Variants in RIC8B observed in about 807,000 individuals in gnomAD.
RIC8B encodes RIC8 guanine nucleotide exchange factor B.
A neutral mutation model predicts 57.5 loss-of-function variants in RIC8B; 16 were observed. The ratio of observed to expected loss-of-function variants is 0.28; its 90% CI spans 0.19 to 0.42. RIC8B has a LOEUF of 0.42. Among genes scored for constraint, RIC8B ranks in the 10% least tolerant of loss-of-function variants. RIC8B has a pLI of 1.00. For synonymous variants in RIC8B, 216 were observed against 250.8 expected (o/e 0.86, Z 1.31); for missense variants, 481 against 677.0 (o/e 0.71, Z 3.21).
At position 106,827,649 on chromosome 12, in the gene RIC8B, A is replaced by G. The variant is rs564478507; in HGVS notation, c.836+1829A>G. Among the ~76,000 whole-genome samples the G allele has an allele frequency of 2.0e-5, 3 of 152,332 alleles. No individual in the cohort carries two copies. In the East Asian group the frequency reaches 5.8e-4, roughly 29 times the overall value. On this transcript the variant is annotated intron_variant, in intron 4 of 9. Transcript: ENST00000392837. The stretch of plus-strand genomic sequence containing the variant: ...AAAATGTAATTGTTTTTCTGTAGCT[A>G]CAAATCAAACATTCCTTTAGTTTTC...
chr12:106,864,450 C>A (rs903714881), intron 8 of RIC8B, among the ~76,000 whole-genome samples: 1 of 151,970 alleles, frequency 6.6e-6, no homozygotes, highest in Non-Finnish European at 1.5e-5. Flanking sequence ...AAGAACTAGA[C>A]AAATATTATA....
chr12:106,798,055 A>T (rs1283236514), intron 2 of RIC8B: 2 of 717,044 alleles, frequency 2.8e-6, no homozygotes, highest in Non-Finnish European at 5.2e-6. Flanking sequence ...AAAACAGAAG[A>T]TCATGCTTGC....
In RIC8B at chr12:106,851,528, A is replaced by G. The variant is rs775666510; in HGVS notation, c.1240A>G (p.Thr414Ala). The stretch of plus-strand genomic sequence containing the variant: ...GAGAAATAAGCTGGTGCGCCTCATG[A>G]CACATGTTGACCTTGGAGTCAAGCA... Reference protein sequence around the residue: ...TVRNKLVRLMTHVDLGVKQIA... With the variant: ...TVRNKLVRLMAHVDLGVKQIA... Residue 414 changes from threonine (T) to alanine (A), a missense_variant, in exon 7 of 10, where the codon ACA becomes GCA. Thr to Ala is a moderately conservative substitution (Grantham distance 58). This residue lies in a region of RIC8B where 421 missense variants were observed against 560.9 expected (regional missense o/e 0.75). Coordinates refer to ENST00000392837, the MANE Select transcript of RIC8B (RefSeq NM_001330145.2). 1 of 1,613,534 alleles carries G rather than the reference A, an allele frequency of 6.2e-7. No individual in the cohort carries two copies. Among genetic ancestry groups the G allele is most frequent in the Non-Finnish European group, 8.5e-7 (1 of 1,179,894 alleles).
chr12:106,775,410 A>G, intron 1 of RIC8B: 1 of 455,598 alleles, frequency 2.2e-6, no homozygotes, highest in Middle Eastern at 3.3e-4. Context: ...GCCCAAGGTC[A>G]TGGACATATA....
At chr12:106,837,643 T>TTG (rs1555256199) in intron 4 of RIC8B, among the ~76,000 whole-genome samples, 2 of 147,026 alleles carry the variant, frequency 1.4e-5, no homozygotes, top group Non-Finnish European at 1.5e-5. Flanking sequence ...TCTTTTGTTT[T>TTG]TTTTTTTTTT....
chr12:106,823,904 T>A (rs1206413235), intron 3 of RIC8B, among the ~76,000 whole-genome samples: 50 of 152,188 alleles, frequency 3.3e-4, no homozygotes, highest in Admixed American at 3.3e-3. Flanking sequence ...CAGGCTATCC[T>A]CTAACTCCTG....
At chr12:106,830,723 C>G (rs1466294263) in intron 4 of RIC8B, among the ~76,000 whole-genome samples, 1 of 152,118 alleles carries the variant, frequency 6.6e-6, no homozygotes, top group East Asian at 1.9e-4. Flanking sequence ...GACTAAATTC[C>G]CAGACTGCCC....
intron 4 of RIC8B, among the ~76,000 whole-genome samples, chr12:106,841,364 TC>T (rs1426396700): frequency 6.6e-6 from 1 of 152,240 alleles, no homozygotes; most frequent in African/African-American, 2.4e-5. Flanking sequence ...TTTTTATTTT[TC>T]CATAATATAA....
intron 2 of RIC8B, among the ~76,000 whole-genome samples, chr12:106,813,389 A>G (rs935371944): frequency 6.6e-6 from 1 of 151,994 alleles, no homozygotes; most frequent in South Asian, 2.1e-4. Context: ...ACGGGGTTCC[A>G]CCACGTTAGC....
At chr12:106,876,322 A>G (rs1950662622) in intron 9 of RIC8B, among the ~76,000 whole-genome samples, 1 of 152,166 alleles carries the variant, frequency 6.6e-6, no homozygotes, top group African/African-American at 2.4e-5. Flanking sequence ...TATGGAAATG[A>G]TAATATTTTT....
intron 3 of RIC8B, among the ~76,000 whole-genome samples, chr12:106,819,107 A>G (rs1282189362): frequency 6.6e-6 from 1 of 152,164 alleles, no homozygotes; most frequent in Admixed American, 6.5e-5. Context: ...TAATATATAA[A>G]CGAATATATA....
Position 106,854,054 on chromosome 12 carries a change from G to C in RIC8B, c.1306+2460G>C, listed in dbSNP as rs1015290053. Reference sequence around the variant, plus strand: ...CTCACTGTTGGGGAGACAATTGGCTGGTGTAGGGAGACGAAGGGACTATGG... The same window carrying C: ...CTCACTGTTGGGGAGACAATTGGCTCGTGTAGGGAGACGAAGGGACTATGG... On this transcript the variant is annotated intron_variant, in intron 7 of 9. Transcript: ENST00000392837. Among the ~76,000 whole-genome samples the C allele has an allele frequency of 4.6e-5, 7 of 152,236 alleles. No individual in the cohort carries two copies. The East Asian group carries it at 1.4e-3, about 30-fold the overall frequency.
At chr12:106,885,145 A>G (rs1347931696) in intron 9 of RIC8B, among the ~76,000 whole-genome samples, 2 of 152,190 alleles carry the variant, frequency 1.3e-5, no homozygotes, top group Non-Finnish European at 2.9e-5. Flanking sequence ...ATGCTTTTTG[A>G]CTGGCTTAAT....
chr12:106,814,782 C>T lies in RIC8B; in HGVS notation c.219C>T (p.Leu73=). 1 of 1,614,162 alleles carries T rather than the reference C, an allele frequency of 6.2e-7. No homozygotes were observed. Among genetic ancestry groups the T allele is most frequent in the Non-Finnish European group, 8.5e-7 (1 of 1,179,994 alleles). Residue 73 remains leucine, a synonymous_variant, in exon 3 of 10, where the codon CTC becomes CTT. Coordinates refer to ENST00000392837, the MANE Select transcript of RIC8B (RefSeq NM_001330145.2). ...QVSCLEVLRI[L]SRDKKVLVPV... is the part of the protein sequence containing the mutation. ...CCTGCCTGGAAGTACTCCGCATTCT[C>T]TCCAGAGACAAAAAGGTTTTAGTTC...
chr12:106,886,459 TTC>T lies in RIC8B; in HGVS notation c.*446_*447del, dbSNP rs1296274359. ...GTAAATAAAGCCTTGGGCAAGCGAC[TTC>T]TTAGATCAGAACTCACCAAATGGAA... On this transcript the variant is annotated 3_prime_UTR_variant, in exon 10 of 10. Coordinates refer to ENST00000392837, the MANE Select transcript of RIC8B (RefSeq NM_001330145.2). 1.3e-5 allele frequency: 2 copies of T among 157,064 alleles called. No homozygotes were observed. The highest frequency in any genetic ancestry group is 4.8e-5 in the African/African-American group (2 of 41,616). The allele number at this position is 157,064 out of a possible 1,614,324, so 9.7% of individuals were successfully genotyped here. A position where few individuals can be genotyped will look rare whatever the true frequency, so the allele number is the denominator to read the frequency against.
intron 1 of RIC8B, among the ~76,000 whole-genome samples, chr12:106,781,755 G>A (rs1341711069): frequency 6.6e-6 from 1 of 152,024 alleles, no homozygotes; most frequent in African/African-American, 2.4e-5. Flanking sequence ...AAGTTTAGAA[G>A]AAACGTTATA....
At chr12:106,801,883 C>T (rs533784468) in intron 2 of RIC8B, among the ~76,000 whole-genome samples, 1 of 152,338 alleles carries the variant, frequency 6.6e-6, no homozygotes, top group African/African-American at 2.4e-5. Context: ...ATACAACCCT[C>T]ATCTTCTGCA....
chr12:106,864,808 A>G (rs140839174), intron 8 of RIC8B, among the ~76,000 whole-genome samples: 129 of 152,298 alleles, frequency 8.5e-4, no homozygotes, highest in African/African-American at 2.5e-3. Context: ...CTTGTCCCCA[A>G]TGAAACTCTG....
At chr12:106,787,260 A>T (rs2044072487) in intron 2 of RIC8B, among the ~76,000 whole-genome samples, 1 of 152,218 alleles carries the variant, frequency 6.6e-6, no homozygotes. Context: ...ATGGGAAAAC[A>T]TCAACAAACA....
Sources: gnomAD v4.1 joint callset for allele counts (sites outside exome capture counted in the v4.1 genomes callset) on GRCh38, gnomAD v4.1.1 for gene constraint, gnomAD v4.1.1 regional missense constraint, MANE v1.5 for transcripts, NCBI Gene and HGNC (gene_info 2026-07-23, HGNC 2026-07-21) for gene names.